Variants in FILIP1 observed in about 807,000 individuals in gnomAD.
The protein encoded by FILIP1 is filamin-A-interacting protein 1.
A neutral mutation model predicts 102.1 loss-of-function variants in FILIP1; 61 were observed. That is an observed-to-expected ratio of 0.60 (90% CI 0.49 to 0.74). The LOEUF (loss-of-function observed/expected upper bound fraction) is 0.74, where lower values mean the gene tolerates loss of function less well. Among genes scored for constraint, FILIP1 ranks in the 30% least tolerant of loss-of-function variants. The pLI, the probability that FILIP1 is intolerant of heterozygous loss-of-function variation, is 0.00. For missense variants in FILIP1, 1,314 were observed against 1,441.2 expected, an observed-to-expected ratio of 0.91 and a Z score of 1.43; for synonymous variants, 491 against 526.9, an observed-to-expected ratio of 0.93 and a Z score of 0.93.
At chr6:75,479,868 CAAAAAAA>C (rs58566488) in intron 1 of FILIP1, among the ~76,000 whole-genome samples, 4 of 42,852 alleles carry the variant, frequency 9.3e-5, no homozygotes, top group Non-Finnish European at 1.7e-4. Context: ...AGCTGTATCT[CAAAAAAA>C]AAAAAAAAAA....
chr6:75,421,605 T>A (rs1054373547), intron 1 of FILIP1, among the ~76,000 whole-genome samples: 3 of 152,046 alleles, frequency 2.0e-5, no homozygotes. Flanking sequence ...CTCCACAACA[T>A]CTCTCTTCCC....
chr6:75,460,257 C>A (rs1001900726), intron 1 of FILIP1, among the ~76,000 whole-genome samples: 1 of 152,150 alleles, frequency 6.6e-6, no homozygotes, highest in Non-Finnish European at 1.5e-5. Flanking sequence ...TTTGCTAAGT[C>A]TCAGCAAATA....
intron 4 of FILIP1, among the ~76,000 whole-genome samples, chr6:75,346,135 A>T (rs922846498): frequency 2.6e-5 from 4 of 152,262 alleles, no homozygotes; most frequent in African/African-American, 9.6e-5. Context: ...TCCAGGTAGT[A>T]GCACTACAAG....
intron 2 of FILIP1, among the ~76,000 whole-genome samples, chr6:75,406,661 C>CTTTTTTTTT (rs33981073): frequency 7.5e-6 from 1 of 132,964 alleles, no homozygotes; most frequent in Non-Finnish European, 1.6e-5. Flanking sequence ...AGCAATGTTT[C>CTTTTTTTTT]TTTTTTTTTT....
chr6:75,341,393 A>T (rs1293152665), intron 4 of FILIP1, among the ~76,000 whole-genome samples: 1 of 151,860 alleles, frequency 6.6e-6, no homozygotes, highest in Non-Finnish European at 1.5e-5. Flanking sequence ...CCTGGGATCA[A>T]GTGATCTGCC....
Position 75,320,841 on chromosome 6 carries a change from A to G in FILIP1, c.630-5639T>C, listed in dbSNP as rs1773629365. On this transcript the variant is annotated intron_variant, in intron 4 of 5. Transcript: ENST00000237172. ...TGTGTCTCTCAACTGAGAAACCTCA[A>G]ATGAGGGAGGGAGCCTTCTCTATAT... Among the ~76,000 whole-genome samples, 2 of 152,196 alleles carry G rather than the reference A, an allele frequency of 1.3e-5. 1 individual carries two copies. Among genetic ancestry groups the G allele is most frequent in the Admixed American group, 1.3e-4 (2 of 15,274 alleles).
At chr6:75,344,317 A>C (rs1466471185) in intron 4 of FILIP1, among the ~76,000 whole-genome samples, 2 of 152,216 alleles carry the variant, frequency 1.3e-5, no homozygotes, top group Non-Finnish European at 2.9e-5. Flanking sequence ...TCTAATGTCT[A>C]GGCCATCAAA....
At position 75,353,663 on chromosome 6, in the gene FILIP1, G is replaced by T; in HGVS notation, c.505C>A (p.Leu169Met). The change falls in exon 4 of 6, where the codon CTG becomes ATG. Residue 169 changes from leucine to methionine, a missense_variant. Coordinates refer to ENST00000237172, the MANE Select transcript of FILIP1 (RefSeq NM_015687.5). ...CTATGACACTTCTCGGCCAGCAACAGCTGCTCTAGCATGCGCCGGTAGGTT... is the reference window on the plus strand; with the variant it reads ...CTATGACACTTCTCGGCCAGCAACATCTGCTCTAGCATGCGCCGGTAGGTT... ...KETYRRMLEQ[L>M]LLAEKCHRRT... is the part of the protein sequence containing the mutation. 1 of 1,614,134 alleles carries T rather than the reference G, an allele frequency of 6.2e-7. No individual in the cohort carries two copies. The highest frequency in any genetic ancestry group is 8.5e-7 in the Non-Finnish European group (1 of 1,180,036).
At chr6:75,372,722 G>GAGAA (rs1332608903) in intron 2 of FILIP1, among the ~76,000 whole-genome samples, 23 of 65,872 alleles carry the variant, frequency 3.5e-4, no homozygotes, top group East Asian at 9.5e-4. Flanking sequence ...AGGAAAGAAA[G>GAGAA]AGAAAGAGAA....
intron 1 of FILIP1, among the ~76,000 whole-genome samples, chr6:75,459,859 G>A (rs1778965284): frequency 6.6e-6 from 1 of 152,100 alleles, no homozygotes; most frequent in African/African-American, 2.4e-5. Flanking sequence ...TCATTTCTCT[G>A]TTTCCTGGGA....
Position 75,314,799 on chromosome 6 carries a change from G to C in FILIP1, c.1033C>G (p.Leu345Val). The change falls in exon 5 of 6, where the codon CTA (leucine) becomes GTA (valine). Residue 345 changes from leucine to valine, a missense_variant. By Grantham distance (32) the Leu-to-Val change is conservative (BLOSUM62 1). Around this residue, in one of 3 missense-constraint regions of FILIP1, gnomAD observed 494 missense variants for 511.2 expected, o/e 0.97. Coordinates refer to ENST00000237172, the MANE Select transcript of FILIP1 (RefSeq NM_015687.5). Reference sequence around the variant, plus strand: ...TGCAGATTTTTGTTGGTCTCTTCTAGCTCCTCGATTCTTTGGGTTAAGCCA... The same window carrying C: ...TGCAGATTTTTGTTGGTCTCTTCTACCTCCTCGATTCTTTGGGTTAAGCCA... ...LVGLTQRIEE[L>V]EETNKNLQKA... 1 of 1,614,012 alleles carries C rather than the reference G, an allele frequency of 6.2e-7. No homozygotes were observed. Among genetic ancestry groups the C allele is most frequent in the Non-Finnish European group, 8.5e-7 (1 of 1,180,010 alleles).
intron 1 of FILIP1, among the ~76,000 whole-genome samples, chr6:75,456,212 G>A (rs1215445091): frequency 6.6e-6 from 1 of 152,102 alleles, no homozygotes; most frequent in African/African-American, 2.4e-5. Flanking sequence ...GGTACTACTG[G>A]CATGTATGAG....
At chr6:75,377,813 A>G (rs1775793741) in intron 2 of FILIP1, among the ~76,000 whole-genome samples, 1 of 152,252 alleles carries the variant, frequency 6.6e-6, no homozygotes, top group Non-Finnish European at 1.5e-5. Context: ...TTCGCTAGAG[A>G]AAGTTTAGAT....
intron 1 of FILIP1, among the ~76,000 whole-genome samples, chr6:75,475,241 A>T (rs187724184): frequency 1.4e-4 from 21 of 152,364 alleles, no homozygotes; most frequent in African/African-American, 5.0e-4. Flanking sequence ...TAAATCACAC[A>T]TAGTCTGGGC....
Position 75,315,186 on chromosome 6 carries a change from C to A in FILIP1, c.646G>T (p.Glu216Ter). ...CGGGCTTGATAAGCCTTTTCTTGTT[C>A]AAGGAGCTTTTTTAACCTAGAAAAT... ...QERERLKKLL[E>*]QEKAYQARKE... The change falls in exon 5 of 6, where the codon GAA (glutamate) becomes TAA (stop). Residue 216 changes from glutamate (E) to a stop codon, truncating the protein, a stop_gained. Coordinates refer to ENST00000237172, the MANE Select transcript of FILIP1 (RefSeq NM_015687.5). LOFTEE classifies it high-confidence loss of function. 2 of 1,545,464 alleles carry A rather than the reference C, an allele frequency of 1.3e-6. No homozygotes were observed. The highest frequency in any genetic ancestry group is 1.3e-5 in the South Asian group (1 of 79,522).
chr6:75,356,799 A>G (rs1458850684), intron 3 of FILIP1, among the ~76,000 whole-genome samples: 1 of 152,178 alleles, frequency 6.6e-6, no homozygotes, highest in Non-Finnish European at 1.5e-5. Context: ...GACAGTCTAT[A>G]CATGAGGTTT....
chr6:75,320,377 C>G (rs1582337636), intron 4 of FILIP1, among the ~76,000 whole-genome samples: 1 of 152,048 alleles, frequency 6.6e-6, no homozygotes, highest in African/African-American at 2.4e-5. Context: ...GGCAACATGG[C>G]AAAACCTCAT....
chr6:75,360,391 T>C (rs1010559178), intron 3 of FILIP1, among the ~76,000 whole-genome samples: 3 of 152,198 alleles, frequency 2.0e-5, no homozygotes, highest in Non-Finnish European at 4.4e-5. Flanking sequence ...CAGAAAAAAG[T>C]AGACTCTAGG....
At chr6:75,372,738 G>GC (rs1775604277) in intron 2 of FILIP1, among the ~76,000 whole-genome samples, 1 of 63,760 alleles carries the variant, frequency 1.6e-5, no homozygotes, top group Non-Finnish European at 3.1e-5. Context: ...GAGAAAGAAA[G>GC]AAAGAAAGAA....
Sources: allele counts gnomAD v4.1 joint callset (sites outside exome capture counted in the v4.1 genomes callset), GRCh38; gene constraint gnomAD v4.1.1; regional missense constraint gnomAD v4.1.1; transcripts MANE v1.5; gene names NCBI Gene and HGNC (gene_info 2026-07-23, HGNC 2026-07-21).